The following ILRUN variants were observed in gnomAD, a reference collection of about 807,000 sequenced individuals.
ILRUN encodes the protein protein ILRUN.
ILRUN carries 3 observed loss-of-function variants against 33.8 expected under a neutral mutation model. The ratio of observed to expected loss-of-function variants is 0.09; its 90% CI spans 0.04 to 0.23. The LOEUF is 0.23. ILRUN is among the 10% of genes least tolerant of loss of function. ILRUN has a pLI of 1.00. For synonymous variants in ILRUN, 124 were observed against 138.9 expected (o/e 0.89, Z 0.75); for missense variants, 210 against 375.1 (o/e 0.56, Z 3.64).
chr6:34,605,178 T>A (rs1761599668), intron 4 of ILRUN, among the ~76,000 whole-genome samples: 1 of 151,202 alleles, frequency 6.6e-6, no homozygotes, highest in South Asian at 2.1e-4. Context: ...TGGTGGCACA[T>A]GTCTGTAATC....
At chr6:34,694,310 C>T (rs1763709751) in intron 1 of ILRUN, among the ~76,000 whole-genome samples, 1 of 152,056 alleles carries the variant, frequency 6.6e-6, no homozygotes, top group African/African-American at 2.4e-5. Flanking sequence ...TTAAATGGTC[C>T]AATTCACAAG....
At chr6:34,611,623 C>T (rs1184838930) in intron 3 of ILRUN, among the ~76,000 whole-genome samples, 1 of 152,140 alleles carries the variant, frequency 6.6e-6, no homozygotes, top group Non-Finnish European at 1.5e-5. Flanking sequence ...TAGACAATGA[C>T]CATTCCCAAT....
At chr6:34,645,257 T>C (rs1477552105) in intron 3 of ILRUN, among the ~76,000 whole-genome samples, 1 of 152,194 alleles carries the variant, frequency 6.6e-6, no homozygotes, top group Non-Finnish European at 1.5e-5. Context: ...CAGGATATAG[T>C]GGAACCAATA....
At chr6:34,691,102 A>G (rs1763641234) in intron 1 of ILRUN, among the ~76,000 whole-genome samples, 1 of 151,896 alleles carries the variant, frequency 6.6e-6, no homozygotes, top group Non-Finnish European at 1.5e-5. Context: ...GTTAGCCAGG[A>G]TGGTCTCAAT....
intron 1 of ILRUN, among the ~76,000 whole-genome samples, chr6:34,667,970 G>C (rs1281071095): frequency 6.6e-6 from 1 of 152,140 alleles, no homozygotes; most frequent in Non-Finnish European, 1.5e-5. Context: ...CTATATATTA[G>C]ATAATACTTT....
intron 3 of ILRUN, among the ~76,000 whole-genome samples, chr6:34,623,226 T>G (rs530466466): frequency 1.1e-4 from 17 of 152,302 alleles, no homozygotes; most frequent in African/African-American, 4.1e-4. Flanking sequence ...TACAATAAAT[T>G]GTATGTGTTA....
chr6:34,654,826 T>G (rs1328458041), intron 1 of ILRUN, 47 bp from the exon 2 acceptor site: 1 of 1,520,604 alleles, frequency 6.6e-7, no homozygotes, highest in South Asian at 1.3e-5. Context: ...TGTCCAGATA[T>G]TATCCTAATT....
chr6:34,684,951 T>C (rs2127387604), intron 1 of ILRUN, among the ~76,000 whole-genome samples: 1 of 152,322 alleles, frequency 6.6e-6, no homozygotes, highest in South Asian at 2.1e-4. Flanking sequence ...AACAAGGCCC[T>C]GTTAGAGGTT....
At chr6:34,627,936 T>G (rs1254982277) in intron 3 of ILRUN, among the ~76,000 whole-genome samples, 1 of 151,914 alleles carries the variant, frequency 6.6e-6, no homozygotes, top group African/African-American at 2.4e-5. Flanking sequence ...ATTCCTGAAC[T>G]CAAGTGATCC....
intron 1 of ILRUN, among the ~76,000 whole-genome samples, chr6:34,666,131 T>C (rs1168338271): frequency 6.6e-6 from 1 of 152,242 alleles, no homozygotes; most frequent in Non-Finnish European, 1.5e-5. Context: ...GACAATGTCA[T>C]GTTACCTAAT....
intron 2 of ILRUN, among the ~76,000 whole-genome samples, chr6:34,653,212 T>C (rs79516738): frequency 0.02 from 2,976 of 149,904 alleles, 53 homozygotes; most frequent in Non-Finnish European, 0.033. Context: ...CAAAGAACTA[T>C]GGTTAATTTA....
Position 34,587,883 on chromosome 6 carries a change from C to A in ILRUN, c.*2682G>T, listed in dbSNP as rs1761224558. On this transcript the variant is annotated 3_prime_UTR_variant, in exon 5 of 5. Coordinates refer to ENST00000374023, the MANE Select transcript of ILRUN (RefSeq NM_024294.4). ...TCTGTCTCCCCAACTGGGTTCAGAC[C>A]CTATCACCTAACCATGGTGTCTGCC... 1 of 390,414 alleles carries A rather than the reference C, an allele frequency of 2.6e-6. No individual in the cohort carries two copies. The highest frequency in any genetic ancestry group is 4.5e-5 in the Admixed American group (1 of 22,316). 24.2% of individuals were successfully genotyped at this position (390,414 alleles called of 1,614,324 possible).
chr6:34,651,282 C>G (rs910856375), intron 2 of ILRUN, among the ~76,000 whole-genome samples: 1 of 152,132 alleles, frequency 6.6e-6, no homozygotes, highest in Non-Finnish European at 1.5e-5. Context: ...CCTGTTCAGG[C>G]ACAAGAATGC....
chr6:34,627,244 T>C (rs1562008278), intron 3 of ILRUN, among the ~76,000 whole-genome samples: 2 of 152,214 alleles, frequency 1.3e-5, no homozygotes, highest in African/African-American at 4.8e-5. Context: ...CTCATTTCTT[T>C]TTAGTGCTGA....
chr6:34,696,764 C>A lies in ILRUN; in HGVS notation c.-161G>T. On this transcript the variant is annotated 5_prime_UTR_variant, in exon 1 of 5. Transcript: ENST00000374023. ...TCACAGTCTCATAGGGGTAAACTCA[C>A]TCTGCCACTCACTCACTCTCCCCCC... The A allele has an allele frequency of 3.7e-6, 2 of 545,522 alleles. No individual in the cohort carries two copies. Among genetic ancestry groups the A allele is most frequent in the South Asian group, 2.5e-5 (1 of 40,370 alleles). The allele number at this position is 545,522 out of a possible 1,614,324, so 33.8% of individuals were successfully genotyped here. A position where few individuals can be genotyped will look rare whatever the true frequency, so the allele number is the denominator to read the frequency against.
At position 34,646,781 on chromosome 6, in the gene ILRUN, G is replaced by A; in HGVS notation, c.331C>T (p.Pro111Ser). Residue 111 changes from proline to serine, a missense_variant, in exon 3 of 5, where the codon CCA becomes TCA. Around this residue, in one of 4 missense-constraint regions of ILRUN, gnomAD observed 60 missense variants for 138.1 expected, o/e 0.43. Transcript: ENST00000374023. This position sits in a 1 kb window ranked among gnomAD's most constrained non-coding sequence, Gnocchi z 4.9. ...CCGACATATTTAAGACAAACCCCTGGAGGCCAGGCCTCTGCCCCTGAGTTC... is the reference window on the plus strand; with the variant it reads ...CCGACATATTTAAGACAAACCCCTGAAGGCCAGGCCTCTGCCCCTGAGTTC... ...IQNSGAEAWPPGVCLKYVGGD... is the reference protein window; with the variant it reads ...IQNSGAEAWPSGVCLKYVGGD... The A allele has an allele frequency of 6.2e-7, 1 of 1,613,936 alleles. No individual in the cohort carries two copies. The highest frequency in any genetic ancestry group is 8.5e-7 in the Non-Finnish European group (1 of 1,180,028).
At chr6:34,602,455 T>C (rs1381531116) in intron 4 of ILRUN, among the ~76,000 whole-genome samples, 1 of 152,212 alleles carries the variant, frequency 6.6e-6, no homozygotes, top group Non-Finnish European at 1.5e-5. Flanking sequence ...TTGTTTTTCA[T>C]CAGTTTCGCA....
At chr6:34,676,397 T>G (rs991150617) in intron 1 of ILRUN, among the ~76,000 whole-genome samples, 1 of 151,950 alleles carries the variant, frequency 6.6e-6, no homozygotes, top group African/African-American at 2.4e-5. Context: ...AGACCCTTTC[T>G]CTCTCTCCAT....
intron 3 of ILRUN, among the ~76,000 whole-genome samples, chr6:34,644,200 T>C (rs1308535636): frequency 6.6e-6 from 1 of 152,160 alleles, no homozygotes; most frequent in Non-Finnish European, 1.5e-5. Context: ...CTAGGGAACA[T>C]TGAGAAGTAG....
Sources: gnomAD v4.1 joint callset for allele counts (sites outside exome capture counted in the v4.1 genomes callset) on GRCh38, gnomAD v4.1.1 for gene constraint, gnomAD v4.1.1 regional missense constraint, Gnocchi (gnomAD v3.1) non-coding constraint, MANE v1.5 for transcripts, NCBI Gene and HGNC (gene_info 2026-07-23, HGNC 2026-07-21) for gene names.